PTPRO: variants seen among roughly 807,000 people sequenced by gnomAD.
PTPRO encodes the protein receptor-type tyrosine-protein phosphatase O.
In PTPRO, 62 loss-of-function variants were observed where a neutral mutation model predicts 145.2. The ratio of observed to expected loss-of-function variants is 0.43; its 90% CI spans 0.35 to 0.53. PTPRO has a LOEUF of 0.53. PTPRO is among the 20% of genes least tolerant of loss of function. The pLI is 0.01. For missense variants in PTPRO, 1,345 were observed against 1,482.7 expected (o/e 0.91, Z 1.53); for synonymous variants, 565 against 514.7 (o/e 1.10, Z -1.32).
At chr12:15,551,751 C>G in intron 15 of PTPRO, 80 bp downstream of exon 15, 1 of 1,487,032 alleles carries the variant, frequency 6.7e-7, no homozygotes, top group Admixed American at 1.7e-5. Flanking sequence ...TTTTGCACAC[C>G]TAAGTTGTAT....
At chr12:15,411,248 A>G (rs1591787595) in intron 1 of PTPRO, among the ~76,000 whole-genome samples, 1 of 152,180 alleles carries the variant, frequency 6.6e-6, no homozygotes, top group East Asian at 1.9e-4. Context: ...AGGCAACTAT[A>G]TATGGTCAAA....
chr12:15,479,125 G>T (rs1039801294), intron 1 of PTPRO, among the ~76,000 whole-genome samples: 2 of 152,176 alleles, frequency 1.3e-5, no homozygotes, highest in Non-Finnish European at 2.9e-5. Context: ...GAGACGGTGA[G>T]GATGAAGAAT....
intron 12 of PTPRO, among the ~76,000 whole-genome samples, chr12:15,541,619 A>C (rs1943181541): frequency 6.6e-6 from 1 of 152,196 alleles, no homozygotes; most frequent in Non-Finnish European, 1.5e-5. Context: ...GTGCTTGTAC[A>C]TCTCTTTACT....
At chr12:15,554,614 AAG>A (rs1227094169) in intron 15 of PTPRO, among the ~76,000 whole-genome samples, 2 of 152,108 alleles carry the variant, frequency 1.3e-5, no homozygotes, top group Non-Finnish European at 2.9e-5. Flanking sequence ...GCACAGGAGA[AAG>A]ATGTAGGCTG....
intron 25 of PTPRO, among the ~76,000 whole-genome samples, chr12:15,594,670 A>T (rs1041248713): frequency 1.3e-5 from 2 of 152,084 alleles, no homozygotes; most frequent in African/African-American, 4.8e-5. Flanking sequence ...CCTTAAATAT[A>T]TACAATTTTT....
At chr12:15,473,828 C>T (rs1941596426) in intron 1 of PTPRO, among the ~76,000 whole-genome samples, 1 of 145,142 alleles carries the variant, frequency 6.9e-6, no homozygotes, top group African/African-American at 2.6e-5. Flanking sequence ...AACACAATAA[C>T]CTTTGAAATA....
At chr12:15,578,755 G>T in intron 19 of PTPRO, 98 bp from the exon 20 acceptor site, 2 of 940,704 alleles carry the variant, frequency 2.1e-6, no homozygotes, top group Non-Finnish European at 3.4e-6. Flanking sequence ...CTACTGCAAT[G>T]TCATATAGCA....
chr12:15,452,326 G>A (rs1022244454), intron 1 of PTPRO, among the ~76,000 whole-genome samples: 1 of 151,984 alleles, frequency 6.6e-6, no homozygotes, highest in African/African-American at 2.4e-5. Context: ...GGCCAATAAC[G>A]AGCAGTGAGA....
At chr12:15,389,438 A>G (rs1939127632) in intron 1 of PTPRO, among the ~76,000 whole-genome samples, 1 of 152,112 alleles carries the variant, frequency 6.6e-6, no homozygotes, top group South Asian at 2.1e-4. Flanking sequence ...GCCAGGTAAT[A>G]AGAATTCTCA....
intron 1 of PTPRO, among the ~76,000 whole-genome samples, chr12:15,372,150 T>C (rs1323528041): frequency 6.6e-6 from 1 of 152,178 alleles, no homozygotes; most frequent in Non-Finnish European, 1.5e-5. Flanking sequence ...AATTCTTATA[T>C]GTGTCAAGCG....
rs1369870857 is a variant in PTPRO at position 15,496,293 on chromosome 12, T to C, written c.350-952T>C. On this transcript the variant is annotated intron_variant, in intron 2 of 26. Coordinates refer to ENST00000281171, the MANE Select transcript of PTPRO (RefSeq NM_030667.3). ...CAGCAGCTGGGATTACAGGCGTGTGTCACCACACCTGGCTAATTTTCTATT... is the reference window on the plus strand; with the variant it reads ...CAGCAGCTGGGATTACAGGCGTGTGCCACCACACCTGGCTAATTTTCTATT... Among the ~76,000 whole-genome samples, 3 of 151,740 alleles carry C rather than the reference T, an allele frequency of 2.0e-5. No individual in the cohort carries two copies. The South Asian group carries it at 6.3e-4, about 32-fold the overall frequency.
In PTPRO at chr12:15,442,198, A is replaced by T. The variant is rs144179333; in HGVS notation, c.76-41776A>T. Among the ~76,000 whole-genome samples, 951 of 152,318 alleles carry T rather than the reference A, an allele frequency of 6.2e-3. 1 individual carries two copies. Among genetic ancestry groups the T allele is most frequent in the Non-Finnish European group, 8.8e-3 (597 of 68,026 alleles). ...CTGGAATGCAAGGCTGATTCAATGT[A>T]CACAAATCAATAAATGTGACTCACC... On this transcript the variant is annotated intron_variant, in intron 1 of 26. Transcript: ENST00000281171.
intron 1 of PTPRO, among the ~76,000 whole-genome samples, chr12:15,441,403 A>G (rs1342847984): frequency 6.6e-6 from 1 of 152,196 alleles, no homozygotes; most frequent in Non-Finnish European, 1.5e-5. Context: ...TCAAAGAGTT[A>G]GAAAGATCTC....
chr12:15,460,993 A>G (rs766413748), intron 1 of PTPRO, among the ~76,000 whole-genome samples: 2 of 152,206 alleles, frequency 1.3e-5, no homozygotes, highest in Non-Finnish European at 2.9e-5. Context: ...CTTAAATTTT[A>G]ACTTGAGACA....
chr12:15,440,801 A>G (rs1210590808), intron 1 of PTPRO, among the ~76,000 whole-genome samples: 1 of 152,180 alleles, frequency 6.6e-6, no homozygotes. Flanking sequence ...ACGTAATGAT[A>G]AAGGGTTCAA....
At chr12:15,544,318 C>T (rs1431806219) in intron 12 of PTPRO, among the ~76,000 whole-genome samples, 1 of 151,822 alleles carries the variant, frequency 6.6e-6, no homozygotes, top group Non-Finnish European at 1.5e-5. Flanking sequence ...TCCTGGCCAA[C>T]ATGGTGAAAC....
chr12:15,554,195 A>C (rs976770235), intron 15 of PTPRO, among the ~76,000 whole-genome samples: 1 of 152,092 alleles, frequency 6.6e-6, no homozygotes, highest in Non-Finnish European at 1.5e-5. Flanking sequence ...ATAAACAAAA[A>C]AAGAGAGTTG....
At chr12:15,539,560 G>A (rs768430817) in intron 12 of PTPRO, among the ~76,000 whole-genome samples, 13 of 151,874 alleles carry the variant, frequency 8.6e-5, no homozygotes, top group South Asian at 2.1e-4. Flanking sequence ...CCGGGAGTTC[G>A]AGACCAGCCT....
intron 12 of PTPRO, among the ~76,000 whole-genome samples, chr12:15,543,774 A>G (rs1325175959): frequency 6.6e-6 from 1 of 152,190 alleles, no homozygotes; most frequent in Non-Finnish European, 1.5e-5. Flanking sequence ...TCATTAAGAG[A>G]AAGAGTCACC....
Sources: allele counts gnomAD v4.1 joint callset (sites outside exome capture counted in the v4.1 genomes callset), GRCh38; gene constraint gnomAD v4.1.1; transcripts MANE v1.5; gene names NCBI Gene and HGNC (gene_info 2026-07-23, HGNC 2026-07-21).